The following FUT9 variants were observed in gnomAD, a reference collection of about 807,000 sequenced individuals.
FUT9 encodes the protein 4-galactosyl-N-acetylglucosaminide 3-alpha-L-fucosyltransferase 9.
A neutral mutation model predicts 29.7 loss-of-function variants in FUT9; 15 were observed. The ratio of observed to expected loss-of-function variants is 0.51; its 90% CI spans 0.34 to 0.78. FUT9 has a LOEUF of 0.78. Ranked by LOEUF, FUT9 falls within the 30% of genes least tolerant of loss-of-function variation. The pLI, the probability that FUT9 is intolerant of heterozygous loss-of-function variation, is 0.01. For missense variants in FUT9, 319 were observed against 425.4 expected, an observed-to-expected ratio of 0.75 and a Z score of 2.20; for synonymous variants, 169 against 153.7, an observed-to-expected ratio of 1.10 and a Z score of -0.74.
intron 1 of FUT9, among the ~76,000 whole-genome samples, chr6:96,076,153 G>A (rs192865717): frequency 6.6e-6 from 1 of 152,192 alleles, no homozygotes. Flanking sequence ...CTTTCTTTAG[G>A]AGCTGATACT....
intron 1 of FUT9, among the ~76,000 whole-genome samples, chr6:96,097,275 C>T (rs1562123394): frequency 6.6e-6 from 1 of 152,230 alleles, no homozygotes; most frequent in Non-Finnish European, 1.5e-5. Context: ...GTGTGGGAAT[C>T]ACAGCAGCAG....
intron 2 of FUT9, among the ~76,000 whole-genome samples, chr6:96,130,659 A>G (rs1268178359): frequency 5.9e-5 from 9 of 152,306 alleles, no homozygotes; most frequent in African/African-American, 1.9e-4. Context: ...TTACAAAAGT[A>G]ATTCTTTTTC....
intron 1 of FUT9, among the ~76,000 whole-genome samples, chr6:96,042,934 T>A (rs1562105500): frequency 1.3e-5 from 2 of 152,244 alleles, no homozygotes; most frequent in African/African-American, 4.8e-5. Context: ...TAATGGTGGT[T>A]ATCTGCCATC....
intron 1 of FUT9, among the ~76,000 whole-genome samples, chr6:96,090,298 G>A (rs199714164): frequency 8.6e-5 from 13 of 151,858 alleles, no homozygotes; most frequent in Admixed American, 6.6e-4. Context: ...AAAGTCAATT[G>A]TTTATGAATT....
intron 1 of FUT9, chr6:96,037,143 A>G (rs1449917830): frequency 6.6e-6 from 1 of 151,964 alleles, no homozygotes; most frequent in Non-Finnish European, 1.5e-5. Flanking sequence ...GGGTATGGGC[A>G]TTTTTTTATT....
chr6:96,166,841 T>C (rs1478681644), intron 2 of FUT9, among the ~76,000 whole-genome samples: 6 of 152,166 alleles, frequency 3.9e-5, no homozygotes, highest in Non-Finnish European at 8.8e-5. Context: ...CCATACTCTT[T>C]AAATCATCTT....
chr6:96,018,261 T>A (rs1446500437), intron 1 of FUT9, among the ~76,000 whole-genome samples: 5 of 152,146 alleles, frequency 3.3e-5, no homozygotes, highest in Non-Finnish European at 7.4e-5. Context: ...AATCGATACA[T>A]CCCAAATTGA....
intron 2 of FUT9, among the ~76,000 whole-genome samples, chr6:96,198,707 T>C (rs1363628890): frequency 6.6e-6 from 1 of 152,186 alleles, no homozygotes; most frequent in African/African-American, 2.4e-5. Flanking sequence ...ACTTCCACAA[T>C]GGTTGAACTA....
At chr6:96,131,200 A>C (rs750019809) in intron 2 of FUT9, among the ~76,000 whole-genome samples, 1 of 152,146 alleles carries the variant, frequency 6.6e-6, no homozygotes, top group Non-Finnish European at 1.5e-5. Flanking sequence ...TTCCAAAATA[A>C]ATGTTATGGT....
chr6:96,165,061 G>C (rs1438881340), intron 2 of FUT9, among the ~76,000 whole-genome samples: 4 of 152,156 alleles, frequency 2.6e-5, no homozygotes, highest in South Asian at 4.1e-4. Flanking sequence ...TATAAAGTAA[G>C]ATCTTTTAGA....
intron 2 of FUT9, among the ~76,000 whole-genome samples, chr6:96,196,117 G>A (rs1430439572): frequency 6.6e-6 from 1 of 152,130 alleles, no homozygotes; most frequent in African/African-American, 2.4e-5. Context: ...ACGGGGAAGC[G>A]ATTGCCAGTG....
chr6:96,094,701 T>C (rs1771466867), intron 1 of FUT9, among the ~76,000 whole-genome samples: 2 of 152,140 alleles, frequency 1.3e-5, no homozygotes, highest in Admixed American at 1.3e-4. Flanking sequence ...TTTTATTGCT[T>C]AACCCAGCAC....
chr6:96,125,090 C>A (rs183399660), intron 2 of FUT9, among the ~76,000 whole-genome samples: 4 of 152,124 alleles, frequency 2.6e-5, no homozygotes, highest in Non-Finnish European at 5.9e-5. Context: ...AGGGGTCTCA[C>A]CTCCTTTATC....
chr6:96,110,594 C>G (rs1208071566), intron 1 of FUT9, among the ~76,000 whole-genome samples: 1 of 152,168 alleles, frequency 6.6e-6, no homozygotes, highest in Admixed American at 6.5e-5. Context: ...GTGGCAGCCA[C>G]TTTTCTCTAC....
At chr6:96,042,448 A>AATTATT (rs1226969278) in intron 1 of FUT9, among the ~76,000 whole-genome samples, 1 of 152,192 alleles carries the variant, frequency 6.6e-6, no homozygotes, top group African/African-American at 2.4e-5. Flanking sequence ...TGTGCCCACT[A>AATTATT]CCTAAATTCT....
At chr6:96,140,187 TCC>T (rs1772436470) in intron 2 of FUT9, among the ~76,000 whole-genome samples, 2 of 152,126 alleles carry the variant, frequency 1.3e-5, no homozygotes, top group Non-Finnish European at 2.9e-5. Flanking sequence ...TGACCTTTAC[TCC>T]AGTTCCCAAC....
At chr6:96,070,242 C>A (rs752126060) in intron 1 of FUT9, among the ~76,000 whole-genome samples, 1 of 152,062 alleles carries the variant, frequency 6.6e-6, no homozygotes, top group Non-Finnish European at 1.5e-5. Context: ...ATTGATATTT[C>A]TGTGAAGCTA....
intron 2 of FUT9, among the ~76,000 whole-genome samples, chr6:96,183,027 G>T (rs1424536797): frequency 6.6e-6 from 1 of 151,858 alleles, no homozygotes; most frequent in African/African-American, 2.4e-5. Context: ...AATTGTTTTT[G>T]GCAGTATGGT....
intron 2 of FUT9, among the ~76,000 whole-genome samples, chr6:96,118,791 A>G (rs1174269654): frequency 6.6e-6 from 1 of 152,190 alleles, no homozygotes; most frequent in Non-Finnish European, 1.5e-5. Flanking sequence ...TGGAGGTAGA[A>G]GACAGTGATA....
Sources: allele counts gnomAD v4.1 joint callset (sites outside exome capture counted in the v4.1 genomes callset), GRCh38; gene constraint gnomAD v4.1.1; transcripts MANE v1.5; gene names NCBI Gene and HGNC (gene_info 2026-07-23, HGNC 2026-07-21).